Variants in MGAT4C observed in about 807,000 individuals in gnomAD.
MGAT4C encodes the protein MGAT4 family member C.
In MGAT4C, 19 loss-of-function variants were observed where a neutral mutation model predicts 40.1. That is an observed-to-expected ratio of 0.47 (90% CI 0.33 to 0.70). MGAT4C has a LOEUF of 0.70. MGAT4C is among the 30% of genes least tolerant of loss of function. The pLI, the probability that MGAT4C is intolerant of heterozygous loss-of-function variation, is 0.02. For synonymous variants in MGAT4C, 181 were observed against 187.1 expected (o/e 0.97, Z 0.27); for missense variants, 491 against 563.2 (o/e 0.87, Z 1.30).
chr12:86,650,786 T>C (rs11830847), intron 2 of MGAT4C, among the ~76,000 whole-genome samples: 17,989 of 151,922 alleles, frequency 0.12, 1,759 homozygotes, highest in African/African-American at 0.27. Flanking sequence ...ACCCCTCATG[T>C]ATCACAAAGG....
intron 2 of MGAT4C, among the ~76,000 whole-genome samples, chr12:86,683,118 A>G (rs952022199): frequency 1.3e-5 from 2 of 152,118 alleles, no homozygotes; most frequent in Non-Finnish European, 2.9e-5. Context: ...GGAGAAACAT[A>G]TGATATCCCT....
chr12:86,719,945 C>T (rs1449275429), intron 2 of MGAT4C, among the ~76,000 whole-genome samples: 1 of 152,156 alleles, frequency 6.6e-6, no homozygotes, highest in East Asian at 1.9e-4. Context: ...TAAAAGACTT[C>T]TTGACTCTTT....
chr12:86,181,144 C>A (rs1221611821), intron 1 of MGAT4C, among the ~76,000 whole-genome samples: 3 of 152,164 alleles, frequency 2.0e-5, no homozygotes, highest in Non-Finnish European at 2.9e-5. Flanking sequence ...TTCTTCCTCA[C>A]TTTTCTCTTG....
At chr12:86,282,362 A>C (rs2136119437) in intron 4 of MGAT4C, among the ~76,000 whole-genome samples, 1 of 152,212 alleles carries the variant, frequency 6.6e-6, no homozygotes, top group Admixed American at 6.5e-5. Context: ...TGTTAAACCT[A>C]ATCCAATGCC....
intron 1 of MGAT4C, among the ~76,000 whole-genome samples, chr12:86,835,625 T>C (rs1053476364): frequency 3.9e-5 from 6 of 152,046 alleles, no homozygotes; most frequent in Non-Finnish European, 5.9e-5. Context: ...TGAGGAATAG[T>C]TCTCTCTGCT....
chr12:86,834,175 GATA>G (rs1566022668), intron 1 of MGAT4C, among the ~76,000 whole-genome samples: 6 of 3,142 alleles, frequency 1.9e-3, no homozygotes, highest in African/African-American at 5.9e-3. Context: ...GAGATAGATA[GATA>G]TAGATATAGA....
intron 2 of MGAT4C, among the ~76,000 whole-genome samples, chr12:86,546,864 T>A (rs1959196005): frequency 6.6e-6 from 1 of 152,000 alleles, no homozygotes; most frequent in African/African-American, 2.4e-5. Flanking sequence ...CCTAAAAGCG[T>A]CATGGTAAAA....
At chr12:86,589,811 T>C (rs757846141) in intron 2 of MGAT4C, among the ~76,000 whole-genome samples, 17 of 152,114 alleles carry the variant, frequency 1.1e-4, no homozygotes, top group East Asian at 1.9e-4. Context: ...AACCACATGA[T>C]TATCTCAATA....
chr12:86,024,122 C>G (rs1002278997), intron 2 of MGAT4C, among the ~76,000 whole-genome samples: 1 of 151,746 alleles, frequency 6.6e-6, no homozygotes, highest in East Asian at 1.9e-4. Flanking sequence ...TTATACCTTT[C>G]TATATTTTGT....
intron 3 of MGAT4C, among the ~76,000 whole-genome samples, chr12:86,426,905 C>T (rs1261977520): frequency 6.6e-6 from 1 of 151,970 alleles, no homozygotes; most frequent in Non-Finnish European, 1.5e-5. Context: ...TGAGATCATG[C>T]CACTGCACTC....
At chr12:86,240,026 T>TA (rs1287336143) in intron 1 of MGAT4C, among the ~76,000 whole-genome samples, 12,113 of 69,632 alleles carry the variant, frequency 0.17, 809 homozygotes, top group East Asian at 0.33. Flanking sequence ...TAGAGTATAA[T>TA]AAAAAAAAAA....
At chr12:86,493,278 C>T (rs1958173957) in intron 2 of MGAT4C, among the ~76,000 whole-genome samples, 1 of 151,578 alleles carries the variant, frequency 6.6e-6, no homozygotes, top group Non-Finnish European at 1.5e-5. Context: ...ACCATTTGAC[C>T]CAGCTATCCC....
chr12:86,698,494 G>A (rs943420458), intron 2 of MGAT4C, among the ~76,000 whole-genome samples: 12 of 152,016 alleles, frequency 7.9e-5, no homozygotes, highest in Non-Finnish European at 1.3e-4. Context: ...CTCTAATGTT[G>A]GAGGGCAGGC....
At chr12:86,800,278 G>T (rs969489372) in intron 1 of MGAT4C, among the ~76,000 whole-genome samples, 2 of 151,870 alleles carry the variant, frequency 1.3e-5, no homozygotes, top group South Asian at 2.1e-4. Flanking sequence ...ATGAAACCAG[G>T]TTCCACTGAG....
intron 1 of MGAT4C, among the ~76,000 whole-genome samples, chr12:86,824,591 G>T (rs1952767519): frequency 6.6e-6 from 1 of 150,994 alleles, no homozygotes. Context: ...TCCAAAAAAA[G>T]ACTTGAATCT....
At chr12:86,293,030 AAG>A (rs1238794109) in intron 4 of MGAT4C, among the ~76,000 whole-genome samples, 1 of 152,182 alleles carries the variant, frequency 6.6e-6, no homozygotes, top group Non-Finnish European at 1.5e-5. Flanking sequence ...ATTCAAGACA[AAG>A]AGAATATTCT....
At chr12:86,831,216 T>C (rs371711964) in intron 1 of MGAT4C, among the ~76,000 whole-genome samples, 6 of 151,684 alleles carry the variant, frequency 4.0e-5, no homozygotes, top group African/African-American at 1.2e-4. Flanking sequence ...TTCCCAACCT[T>C]GAACCCACAA....
At chr12:86,286,045 CTTTATT>C (rs1953345431) in intron 4 of MGAT4C, among the ~76,000 whole-genome samples, 1 of 151,946 alleles carries the variant, frequency 6.6e-6, no homozygotes, top group South Asian at 2.1e-4. Flanking sequence ...TATTGTTTCT[CTTTATT>C]TTTCTTTTTT....
chr12:86,265,104 C>T (rs549225494), intron 4 of MGAT4C, among the ~76,000 whole-genome samples: 2 of 152,248 alleles, frequency 1.3e-5, no homozygotes, highest in Admixed American at 6.5e-5. Flanking sequence ...GCTGCCCCAC[C>T]CCCCGACCCC....
Sources: gnomAD v4.1 joint callset for allele counts (sites outside exome capture counted in the v4.1 genomes callset) on GRCh38, gnomAD v4.1.1 for gene constraint, MANE v1.5 for transcripts, NCBI Gene and HGNC (gene_info 2026-07-23, HGNC 2026-07-21) for gene names.